The following SUGCT variants were observed in gnomAD, a reference collection of about 807,000 sequenced individuals.
The protein encoded by SUGCT is succinyl-CoA:glutarate-CoA transferase, also known as succinyl-CoA:glutarate CoA-transferase.
Under a neutral mutation model 55.0 loss-of-function variants are expected in SUGCT, and 41 were observed. That is an observed-to-expected ratio of 0.74 (90% confidence interval 0.58 to 0.97). The LOEUF (loss-of-function observed/expected upper bound fraction) is 0.97, where lower values mean the gene tolerates loss of function less well. SUGCT is among the 50% of genes least tolerant of loss of function. The pLI is 0.00. For missense variants in SUGCT, 568 were observed against 547.8 expected (o/e 1.04, Z -0.37); for synonymous variants, 187 against 200.4 (o/e 0.93, Z 0.56).
At chr7:40,507,212 T>C (rs192145465) in intron 12 of SUGCT, among the ~76,000 whole-genome samples, 1 of 152,274 alleles carries the variant, frequency 6.6e-6, no homozygotes, top group Non-Finnish European at 1.5e-5. Flanking sequence ...CTAGTTCAAA[T>C]GACGTTAACT....
chr7:40,949,210 GA>G, the SUGCT span, among the ~76,000 whole-genome samples: 1 of 152,218 alleles, frequency 6.6e-6, no homozygotes, highest in Admixed American at 6.5e-5. Flanking sequence ...GGCCAGTGAT[GA>G]TGAGCAGTTT....
chr7:40,479,019 T>C (rs1301484379), intron 11 of SUGCT, among the ~76,000 whole-genome samples: 1 of 152,138 alleles, frequency 6.6e-6, no homozygotes, highest in Non-Finnish European at 1.5e-5. Context: ...AGAATTTCTT[T>C]ATTTTTTATG....
chr7:40,997,778 G>A, the SUGCT span, among the ~76,000 whole-genome samples: 1 of 152,142 alleles, frequency 6.6e-6, no homozygotes, highest in African/African-American at 2.4e-5. Context: ...CCCATACTTG[G>A]AACACAATAG....
chr7:40,675,318 C>T (rs1024026606), intron 12 of SUGCT, among the ~76,000 whole-genome samples: 17 of 152,188 alleles, frequency 1.1e-4, no homozygotes, highest in African/African-American at 3.9e-4. Context: ...CTCGGCCTCC[C>T]GAAGTGCTGG....
At chr7:40,321,079 T>TTCC (rs1795707063) in intron 9 of SUGCT, among the ~76,000 whole-genome samples, 1 of 124,572 alleles carries the variant, frequency 8.0e-6, no homozygotes, top group African/African-American at 3.3e-5. Flanking sequence ...TCTTTCTTTC[T>TTCC]TTTTTTTTTT....
At chr7:40,255,548 C>A (rs1424872751) in intron 7 of SUGCT, among the ~76,000 whole-genome samples, 1 of 148,164 alleles carries the variant, frequency 6.7e-6, no homozygotes, top group African/African-American at 2.5e-5. Flanking sequence ...GTAATCCCAG[C>A]TATTCAGGAG....
At chr7:40,332,444 T>G (rs199935660) in intron 9 of SUGCT, among the ~76,000 whole-genome samples, 1 of 9,118 alleles carries the variant, frequency 1.1e-4, no homozygotes, top group Admixed American at 2.6e-3. Context: ...CTGCATTGGA[T>G]TTTTTTTTTT....
chr7:40,761,818 G>A (rs1245700042), intron 13 of SUGCT, among the ~76,000 whole-genome samples: 2 of 152,200 alleles, frequency 1.3e-5, no homozygotes, highest in Non-Finnish European at 2.9e-5. Flanking sequence ...GCTAACAAAG[G>A]GAGAGGAAAC....
At position 40,193,537 on chromosome 7, in the gene SUGCT, G is replaced by C. The variant is rs1213446614; in HGVS notation, c.364-1403G>C. Among the ~76,000 whole-genome samples, 6 of 151,854 alleles carry C rather than the reference G, an allele frequency of 4.0e-5. No individual in the cohort carries two copies. The East Asian group carries it at 1.2e-3, about 29-fold the overall frequency. On this transcript the variant is annotated intron_variant, in intron 5 of 13. Transcript: ENST00000335693. Reference sequence around the variant, plus strand: ...TGACCTTAAGTGATCTGCCTACCTAGGCCCCCCAAAGTGCTGGGATTTACA... The same window carrying C: ...TGACCTTAAGTGATCTGCCTACCTACGCCCCCCAAAGTGCTGGGATTTACA...
intron 9 of SUGCT, among the ~76,000 whole-genome samples, chr7:40,446,385 C>CA (rs1788837548): frequency 6.6e-6 from 1 of 152,164 alleles, no homozygotes; most frequent in South Asian, 2.1e-4. Flanking sequence ...TGTGTAACTT[C>CA]ACAGTTGTCA....
chr7:40,448,284 C>G (rs988273100), intron 9 of SUGCT, among the ~76,000 whole-genome samples: 3 of 139,662 alleles, frequency 2.1e-5, no homozygotes, highest in South Asian at 2.5e-4. Context: ...TTGCTTCTCC[C>G]TTCTTTCTAT....
chr7:40,844,426 G>C (rs1793452406), intron 13 of SUGCT, among the ~76,000 whole-genome samples: 1 of 152,246 alleles, frequency 6.6e-6, no homozygotes, highest in Middle Eastern at 3.4e-3. Context: ...GACAGAGTGG[G>C]AAGATAATTT....
At chr7:40,471,129 A>G (rs1300344182) in intron 11 of SUGCT, among the ~76,000 whole-genome samples, 1 of 152,120 alleles carries the variant, frequency 6.6e-6, no homozygotes, top group African/African-American at 2.4e-5. Flanking sequence ...CTTTTTAAAC[A>G]CATCAAAATA....
intron 1 of SUGCT, among the ~76,000 whole-genome samples, chr7:40,160,389 C>T (rs751686456): frequency 3.9e-5 from 6 of 152,088 alleles, no homozygotes; most frequent in Non-Finnish European, 5.9e-5. Context: ...CCACCATGCC[C>T]GGCTAATTTT....
chr7:40,426,344 T>C (rs1162919424), intron 9 of SUGCT, among the ~76,000 whole-genome samples: 2 of 152,182 alleles, frequency 1.3e-5, no homozygotes, highest in Non-Finnish European at 2.9e-5. Context: ...GCTGGATATA[T>C]CTCAGACTTA....
At chr7:40,377,198 CTTTTCTTTTCTT>C (rs1367969026) in intron 9 of SUGCT, among the ~76,000 whole-genome samples, 3 of 16,558 alleles carry the variant, frequency 1.8e-4, no homozygotes, top group Admixed American at 9.7e-4. Context: ...TTCTTTCTTT[CTTTTCTTTTCTT>C]TTCTTTCTTT....
intron 13 of SUGCT, among the ~76,000 whole-genome samples, chr7:40,841,581 G>C (rs768481286): frequency 6.6e-6 from 1 of 152,152 alleles, no homozygotes; most frequent in Admixed American, 6.5e-5. Flanking sequence ...TAATCCACTT[G>C]TGTATTTTAC....
intron 12 of SUGCT, among the ~76,000 whole-genome samples, chr7:40,519,668 A>G (rs1217459846): frequency 6.6e-6 from 1 of 151,992 alleles, no homozygotes; most frequent in Non-Finnish European, 1.5e-5. Context: ...AGTATAATAA[A>G]CATTTTAATG....
At chr7:41,008,911 T>C in the SUGCT span, among the ~76,000 whole-genome samples, 1 of 152,122 alleles carries the variant, frequency 6.6e-6, no homozygotes, top group Non-Finnish European at 1.5e-5. Context: ...GGATGGTGTC[T>C]GGTCCCGATG....
Sources: allele counts gnomAD v4.1 joint callset (sites outside exome capture counted in the v4.1 genomes callset), GRCh38; gene constraint gnomAD v4.1.1; transcripts MANE v1.5; gene names NCBI Gene and HGNC (gene_info 2026-07-23, HGNC 2026-07-21).